The following REDIC1 variants were observed in gnomAD, a reference collection of about 807,000 sequenced individuals.
REDIC1 encodes the protein regulator of DNA class I crossover intermediates 1.
chr12:39,831,941 G>A, the REDIC1 span, among the ~76,000 whole-genome samples: 9 of 152,168 alleles, frequency 5.9e-5, no homozygotes, highest in African/African-American at 2.2e-4. Flanking sequence ...CCAGTCTCAG[G>A]TATTCCTTTA....
the REDIC1 span, among the ~76,000 whole-genome samples, chr12:39,698,872 T>A: frequency 6.6e-6 from 1 of 152,048 alleles, no homozygotes. Flanking sequence ...GCTCTAAAAG[T>A]CTACATCAAA....
At chr12:39,668,763 A>AT in the REDIC1 span, among the ~76,000 whole-genome samples, 2 of 150,270 alleles carry the variant, frequency 1.3e-5, no homozygotes, top group South Asian at 2.1e-4. Flanking sequence ...TTTTTTTGTT[A>AT]TTTTTTTTCT....
chr12:39,712,712 TAGACG>T, the REDIC1 span, among the ~76,000 whole-genome samples: 1 of 4,300 alleles, frequency 2.3e-4, no homozygotes, highest in East Asian at 1.4e-3. Flanking sequence ...TATATGTATA[TAGACG>T]TATACGTGTA....
chr12:39,776,714 TGGGTGG>T, the REDIC1 span, among the ~76,000 whole-genome samples: 1 of 126,982 alleles, frequency 7.9e-6, no homozygotes, highest in East Asian at 2.4e-4. Context: ...GAGGTAGGGA[TGGGTGG>T]AGTTGAGACA....
the REDIC1 span, chr12:39,626,282 G>C: frequency 6.2e-7 from 1 of 1,608,112 alleles, no homozygotes; most frequent in Non-Finnish European, 8.5e-7. Context: ...TTGGCGCAGA[G>C]CTGAGATGTC....
chr12:39,699,365 TC>T, the REDIC1 span, among the ~76,000 whole-genome samples: 1 of 152,148 alleles, frequency 6.6e-6, no homozygotes, highest in Admixed American at 6.5e-5. Flanking sequence ...ATCGGGTCAC[TC>T]CCATCCGAAT....
At chr12:39,892,953 C>T in the REDIC1 span, among the ~76,000 whole-genome samples, 1 of 152,082 alleles carries the variant, frequency 6.6e-6, no homozygotes, top group Non-Finnish European at 1.5e-5. Context: ...ATTAATTTAT[C>T]AAACCATATA....
the REDIC1 span, among the ~76,000 whole-genome samples, chr12:39,714,210 C>CATATATGT: frequency 0.018 from 236 of 13,018 alleles, 1 homozygote; most frequent in Non-Finnish European, 0.033. Flanking sequence ...TATATACATG[C>CATATATGT]ATATACGTAT....
the REDIC1 span, among the ~76,000 whole-genome samples, chr12:39,664,683 G>C: frequency 6.6e-6 from 1 of 152,162 alleles, no homozygotes; most frequent in Non-Finnish European, 1.5e-5. Flanking sequence ...CTAGTTTACA[G>C]TCCCACCAAC....
chr12:39,629,344 T>A, the REDIC1 span, among the ~76,000 whole-genome samples: 5 of 152,204 alleles, frequency 3.3e-5, no homozygotes, highest in Non-Finnish European at 1.5e-5. Context: ...ATACTTTTTC[T>A]CAAGTGAATG....
the REDIC1 span, among the ~76,000 whole-genome samples, chr12:39,816,427 T>C: frequency 1.5e-3 from 157 of 104,392 alleles, 3 homozygotes; most frequent in African/African-American, 5.4e-3. Flanking sequence ...CCGGGGCCTG[T>C]TGTGGGGTGG....
the REDIC1 span, among the ~76,000 whole-genome samples, chr12:39,823,772 G>A: frequency 2.0e-4 from 30 of 152,228 alleles, no homozygotes; most frequent in African/African-American, 7.2e-4. Context: ...TTTAAGAAGT[G>A]TTTTTCACAA....
At chr12:39,890,752 C>T in the REDIC1 span, among the ~76,000 whole-genome samples, 1,696 of 152,128 alleles carry the variant, frequency 0.011, 37 homozygotes, top group African/African-American at 0.037. Flanking sequence ...CTGTAGAAAA[C>T]CAATACATAT....
chr12:39,732,814 T>C, the REDIC1 span, among the ~76,000 whole-genome samples: 1 of 152,194 alleles, frequency 6.6e-6, no homozygotes, highest in Admixed American at 6.5e-5. Flanking sequence ...CCAAAGATGG[T>C]TCCTCAGTCC....
At chr12:39,878,451 T>C in the REDIC1 span, among the ~76,000 whole-genome samples, 5 of 152,150 alleles carry the variant, frequency 3.3e-5, no homozygotes, top group Non-Finnish European at 5.9e-5. Flanking sequence ...GAGGAACTTA[T>C]TGGGAACTGT....
At chr12:39,830,610 A>G in the REDIC1 span, 1 of 368,422 alleles carries the variant, frequency 2.7e-6, no homozygotes, top group Non-Finnish European at 3.8e-6. Context: ...GTTGCATCAA[A>G]GCATTCATTT....
At chr12:39,750,117 G>A in the REDIC1 span, among the ~76,000 whole-genome samples, 3 of 152,152 alleles carry the variant, frequency 2.0e-5, no homozygotes, top group African/African-American at 4.8e-5. Context: ...AGGAAAAGAG[G>A]AAGTCAAATT....
the REDIC1 span, among the ~76,000 whole-genome samples, chr12:39,704,051 A>G: frequency 1.3e-5 from 2 of 152,376 alleles, no homozygotes; most frequent in Non-Finnish European, 2.9e-5. Flanking sequence ...AGCAATGGCA[A>G]CAAAAGCCAA....
chr12:39,809,091 G>A, the REDIC1 span, among the ~76,000 whole-genome samples: 1 of 152,096 alleles, frequency 6.6e-6, no homozygotes, highest in Non-Finnish European at 1.5e-5. Context: ...TGTTTAGGGT[G>A]TAAGAGTTGA....
Sources: gnomAD v4.1 joint callset for allele counts (sites outside exome capture counted in the v4.1 genomes callset) on GRCh38, gnomAD v4.1.1 for gene constraint, MANE v1.5 for transcripts, NCBI Gene and HGNC (gene_info 2026-07-23, HGNC 2026-07-21) for gene names.